Variants in RP1L1 observed in about 807,000 individuals in gnomAD.
RP1L1 encodes RP1 like 1.
A neutral mutation model predicts 15.7 loss-of-function variants in RP1L1; 27 were observed. The observed-to-expected ratio is 1.72, with a 90% confidence interval of 1.27 to 2.38. The LOEUF is 2.38. Among genes scored for constraint, RP1L1 ranks in the 30% most tolerant of loss-of-function variants. RP1L1 has a pLI of 0.00. For synonymous variants in RP1L1, 1,813 were observed against 1,276.7 expected (o/e 1.42, Z -8.96); for missense variants, 4,798 against 3,075.9 (o/e 1.56, Z -13.24).
intron 2 of RP1L1, among the ~76,000 whole-genome samples, chr8:10,618,110 A>G (rs990473287): frequency 6.6e-6 from 1 of 152,228 alleles, no homozygotes; most frequent in African/African-American, 2.4e-5. Flanking sequence ...TTTTCCAAGC[A>G]TTGATGTTGG....
Position 10,622,574 on chromosome 8 carries a change from T to G in RP1L1, c.609+19A>C, listed in dbSNP as rs778350406. 6.2e-7 allele frequency: 1 copy of G among 1,614,128 alleles called. No individual in the cohort carries two copies. The highest frequency in any genetic ancestry group is 2.2e-5 in the East Asian group (1 of 44,884). ...TCTAAAGAACCTTTTCAAGGAACCG[T>G]CAGACCCCAACAGCCTACCTTTTTC... is the stretch of plus-strand genomic sequence containing the variant. On this transcript the variant is annotated intron_variant, in intron 2 of 3. Transcript: ENST00000382483.
intron 1 of RP1L1, among the ~76,000 whole-genome samples, chr8:10,652,069 G>A (rs976294987): frequency 5.9e-5 from 9 of 152,138 alleles, no homozygotes; most frequent in African/African-American, 2.2e-4. Flanking sequence ...GGAGCAATAG[G>A]CTACAGTATA....
intron 2 of RP1L1, among the ~76,000 whole-genome samples, chr8:10,617,923 G>A (rs890663418): frequency 1.3e-5 from 2 of 152,204 alleles, no homozygotes; most frequent in African/African-American, 4.8e-5. Context: ...ATCAAAAATC[G>A]CACCCACTAA....
intron 1 of RP1L1, among the ~76,000 whole-genome samples, chr8:10,633,940 G>A (rs1798291082): frequency 6.6e-6 from 1 of 152,178 alleles, no homozygotes; most frequent in African/African-American, 2.4e-5. Flanking sequence ...CAGGCTTCAG[G>A]ACTGCTGACA....
intron 1 of RP1L1, among the ~76,000 whole-genome samples, chr8:10,630,891 C>T (rs564734395): frequency 5.3e-5 from 8 of 152,270 alleles, no homozygotes; most frequent in East Asian, 3.9e-4. Flanking sequence ...GTCATCGCAG[C>T]GGGAGAAATT....
chr8:10,648,327 T>G lies in RP1L1; in HGVS notation c.-20+6571A>C, dbSNP rs145986711. Among the ~76,000 whole-genome samples, 188 of 152,278 alleles carry G rather than the reference T, an allele frequency of 1.2e-3. 2 individuals carry two copies. The highest frequency in any genetic ancestry group is 3.2e-3 in the African/African-American group (133 of 41,554). On this transcript the variant is annotated intron_variant, in intron 1 of 3. Transcript: ENST00000382483. ...GATTACAGGTGTGAGCCACCGCACCTGGCCAATTTTCTGGGTTTTTTTGTT... is the reference window on the plus strand; with the variant it reads ...GATTACAGGTGTGAGCCACCGCACCGGGCCAATTTTCTGGGTTTTTTTGTT...
rs768709297 is a variant in RP1L1 at position 10,622,806 on chromosome 8, G to C, written c.396C>G (p.Val132=). 13 of 1,613,778 alleles carry C rather than the reference G, an allele frequency of 8.1e-6. No homozygotes were observed. Among genetic ancestry groups the C allele is most frequent in the Non-Finnish European group, 1.1e-5 (13 of 1,179,860 alleles). The change falls in exon 2 of 4, where the codon GTC becomes GTG. Residue 132 remains valine, a synonymous_variant. Transcript: ENST00000382483. The part of the protein sequence containing the change: ...RNPTAQQLRD[V]EGQREAPGTS... ...TGCCTGGGGCTTCACGCTGGCCTTC[G>C]ACATCCCGCAACTGCTGAGCAGTGG...
At chr8:10,642,675 T>C (rs1798424075) in intron 1 of RP1L1, among the ~76,000 whole-genome samples, 1 of 152,204 alleles carries the variant, frequency 6.6e-6, no homozygotes, top group Non-Finnish European at 1.5e-5. Flanking sequence ...ATTCACCACA[T>C]TGCTCTCTGC....
At chr8:10,614,361 G>A (rs1485403104) in intron 3 of RP1L1, among the ~76,000 whole-genome samples, 1 of 152,092 alleles carries the variant, frequency 6.6e-6, no homozygotes, top group Non-Finnish European at 1.5e-5. Context: ...GCAAAGGAGT[G>A]GCTCTAAGAA....
intron 1 of RP1L1, among the ~76,000 whole-genome samples, chr8:10,641,305 C>T (rs1188232394): frequency 6.6e-6 from 1 of 152,192 alleles, no homozygotes; most frequent in Non-Finnish European, 1.5e-5. Context: ...AATCCTAGAG[C>T]AGCTTGGATC....
chr8:10,634,884 G>T (rs368460735), intron 1 of RP1L1, among the ~76,000 whole-genome samples: 1 of 152,048 alleles, frequency 6.6e-6, no homozygotes, highest in Non-Finnish European at 1.5e-5. Flanking sequence ...GGACACCAAG[G>T]GTCCTTGCCC....
At chr8:10,643,891 A>C (rs1229133731) in intron 1 of RP1L1, among the ~76,000 whole-genome samples, 2 of 151,850 alleles carry the variant, frequency 1.3e-5, no homozygotes, top group Non-Finnish European at 2.9e-5. Flanking sequence ...GTTACCAGAA[A>C]CTGATCTGCA....
chr8:10,633,081 A>G (rs555170803), intron 1 of RP1L1, among the ~76,000 whole-genome samples: 1 of 152,302 alleles, frequency 6.6e-6, no homozygotes, highest in South Asian at 2.1e-4. Context: ...TCTGCATCCA[A>G]CAGCACGGCG....
At chr8:10,650,820 G>C (rs1185219345) in intron 1 of RP1L1, among the ~76,000 whole-genome samples, 1 of 152,110 alleles carries the variant, frequency 6.6e-6, no homozygotes, top group Non-Finnish European at 1.5e-5. Flanking sequence ...ACCTGCCTCG[G>C]CCTCCCAAAG....
At chr8:10,639,213 A>G (rs1019242886) in intron 1 of RP1L1, among the ~76,000 whole-genome samples, 18 of 152,022 alleles carry the variant, frequency 1.2e-4, no homozygotes, top group African/African-American at 3.9e-4. Flanking sequence ...GCTTGCCCTC[A>G]ATTCTGCTCT....
chr8:10,611,454 G>A lies in RP1L1; in HGVS notation c.2644C>T (p.Arg882Trp), dbSNP rs148936402. The part of the protein sequence containing the change: ...STGSSHQSTA[R>W]GPGGSPQEGT... The stretch of plus-strand genomic sequence containing the variant: ...TCCTGCGGGCTCCCACCTGGCCCCC[G>A]GGCAGTGCTTTGGTGGCTGCTGCCG... Residue 882 changes from arginine to tryptophan, a missense_variant, in exon 4 of 4, where the codon CGG becomes TGG. Physicochemically the swap from Arg to Trp is moderately radical, Grantham distance 101. Coordinates refer to ENST00000382483, the MANE Select transcript of RP1L1 (RefSeq NM_178857.6). The A allele has an allele frequency of 3.0e-3, 4,696 of 1,571,162 alleles. 16 individuals carry two copies. The highest frequency in any genetic ancestry group is 5.2e-3 in the Middle Eastern group (31 of 5,988).
At chr8:10,650,390 G>A (rs1463939194) in intron 1 of RP1L1, among the ~76,000 whole-genome samples, 1 of 152,146 alleles carries the variant, frequency 6.6e-6, no homozygotes, top group Non-Finnish European at 1.5e-5. Context: ...GGGCCAACAA[G>A]ACACAGAGCG....
At chr8:10,640,182 C>T (rs530868773) in intron 1 of RP1L1, among the ~76,000 whole-genome samples, 47 of 152,258 alleles carry the variant, frequency 3.1e-4, no homozygotes, top group African/African-American at 1.1e-3. Flanking sequence ...CTGCATGATC[C>T]AAATGGCTTC....
intron 1 of RP1L1, among the ~76,000 whole-genome samples, chr8:10,623,967 T>C (rs905968577): frequency 1.3e-5 from 2 of 151,742 alleles, no homozygotes; most frequent in African/African-American, 2.4e-5. Context: ...GGCATCACCA[T>C]GTCCCCAGCA....
Sources: gnomAD v4.1 joint callset for allele counts (sites outside exome capture counted in the v4.1 genomes callset) on GRCh38, gnomAD v4.1.1 for gene constraint, MANE v1.5 for transcripts, NCBI Gene and HGNC (gene_info 2026-07-23, HGNC 2026-07-21) for gene names.